The following ELOVL6 variants were observed in gnomAD, a reference collection of about 807,000 sequenced individuals.
The protein encoded by ELOVL6 is ELOVL fatty acid elongase 6.
In ELOVL6, 8 loss-of-function variants were observed where a neutral mutation model predicts 31.7. The observed-to-expected ratio is 0.25, with a 90% confidence interval of 0.15 to 0.45. ELOVL6 has a LOEUF of 0.45. ELOVL6 is among the 20% of genes least tolerant of loss of function. The pLI, the probability that ELOVL6 is intolerant of heterozygous loss-of-function variation, is 1.00. For missense variants in ELOVL6, 126 were observed against 326.4 expected, an observed-to-expected ratio of 0.39 and a Z score of 4.73; for synonymous variants, 101 against 117.7, an observed-to-expected ratio of 0.86 and a Z score of 0.92.
chr4:110,065,497 A>C (rs1030453918), intron 2 of ELOVL6, among the ~76,000 whole-genome samples: 2 of 152,130 alleles, frequency 1.3e-5, no homozygotes, highest in Non-Finnish European at 2.9e-5. Flanking sequence ...AGTGGTGCAC[A>C]CCTGTAGTCC....
At chr4:110,068,328 C>T (rs1304223064) in intron 2 of ELOVL6, among the ~76,000 whole-genome samples, 1 of 152,072 alleles carries the variant, frequency 6.6e-6, no homozygotes, top group African/African-American at 2.4e-5. Flanking sequence ...TGTTGCAGTG[C>T]GAAGCCTGTC....
rs757254129 is a variant in ELOVL6 at position 110,051,788 on chromosome 4, C to T, written c.374-26G>A. 12 of 1,593,124 alleles carry T rather than the reference C, an allele frequency of 7.5e-6. No individual in the cohort carries two copies. Among genetic ancestry groups the T allele is most frequent in the Admixed American group, 3.4e-5 (2 of 58,390 alleles). On this transcript the variant is annotated intron_variant, in intron 3 of 3. Coordinates refer to ENST00000302274, the MANE Select transcript of ELOVL6 (RefSeq NM_024090.3). This position sits in a 1 kb window ranked among gnomAD's most constrained non-coding sequence, Gnocchi z 4.8. ...CTGGAAGACAAAGAGGAAGAAGGTA[C>T]GTGAGATCCTTGACCACCAGTAACG...
At chr4:110,162,867 T>A (rs17612551) in intron 1 of ELOVL6, among the ~76,000 whole-genome samples, 33,892 of 152,080 alleles carry the variant, frequency 0.22, 4,307 homozygotes, top group African/African-American at 0.34. Context: ...TGCAAAGCAG[T>A]TATTGGGACA....
At chr4:110,190,686 G>A (rs1759588414) in intron 1 of ELOVL6, among the ~76,000 whole-genome samples, 1 of 151,968 alleles carries the variant, frequency 6.6e-6, no homozygotes, top group Non-Finnish European at 1.5e-5. Flanking sequence ...TGTAGTTTTA[G>A]TAGAAATAGG....
chr4:110,123,164 C>T (rs933054180), intron 1 of ELOVL6, among the ~76,000 whole-genome samples: 2 of 152,122 alleles, frequency 1.3e-5, no homozygotes, highest in Admixed American at 1.3e-4. Context: ...ATACTTTTAA[C>T]AGGGAAAATA....
At chr4:110,083,254 A>T (rs896505559) in intron 2 of ELOVL6, among the ~76,000 whole-genome samples, 19 of 151,750 alleles carry the variant, frequency 1.3e-4, no homozygotes, top group Non-Finnish European at 7.3e-5. Flanking sequence ...AAAACCAGGT[A>T]AAGTGATAAT....
At chr4:110,190,230 G>GT (rs1309939546) in intron 1 of ELOVL6, among the ~76,000 whole-genome samples, 1 of 152,096 alleles carries the variant, frequency 6.6e-6, no homozygotes, top group East Asian at 1.9e-4. Flanking sequence ...AAAGGTAAGT[G>GT]TAAGTCTTTT....
chr4:110,084,588 A>ATTTTTTTTTTTTTT (rs1168880044), intron 2 of ELOVL6, among the ~76,000 whole-genome samples: 1 of 29,658 alleles, frequency 3.4e-5, no homozygotes, highest in African/African-American at 2.2e-4. Flanking sequence ...ATATATATAT[A>ATTTTTTTTTTTTTT]TTTTTTTTTT....
intron 1 of ELOVL6, among the ~76,000 whole-genome samples, chr4:110,113,488 T>G (rs1028952600): frequency 3.3e-5 from 5 of 150,078 alleles, no homozygotes; most frequent in Admixed American, 3.3e-4. Context: ...GAAACTAGGG[T>G]GGGAGGACTG....
chr4:110,163,574 A>G (rs1300071626), intron 1 of ELOVL6, among the ~76,000 whole-genome samples: 1 of 152,194 alleles, frequency 6.6e-6, no homozygotes. Context: ...GACTGGGATG[A>G]AGGCCAAGTC....
chr4:110,069,729 C>G (rs1755413201), intron 2 of ELOVL6, among the ~76,000 whole-genome samples: 1 of 152,188 alleles, frequency 6.6e-6, no homozygotes, highest in South Asian at 2.1e-4. Context: ...ACTCACTGGG[C>G]TTTCATTTAG....
intron 1 of ELOVL6, among the ~76,000 whole-genome samples, chr4:110,106,509 T>C (rs1216619807): frequency 2.0e-5 from 3 of 152,142 alleles, no homozygotes; most frequent in African/African-American, 7.2e-5. Context: ...TTAGACTGTA[T>C]ACTGTACCAT....
intron 1 of ELOVL6, among the ~76,000 whole-genome samples, chr4:110,169,511 G>C (rs1216601861): frequency 6.6e-6 from 1 of 151,728 alleles, no homozygotes; most frequent in Admixed American, 6.6e-5. Context: ...CCAAAGTGCT[G>C]GGATTACAGG....
At chr4:110,102,689 A>G (rs1448755726) in intron 2 of ELOVL6, among the ~76,000 whole-genome samples, 1 of 151,928 alleles carries the variant, frequency 6.6e-6, no homozygotes, top group Non-Finnish European at 1.5e-5. Flanking sequence ...ATGATAGATT[A>G]TATATGTATA....
chr4:110,081,495 G>T (rs896679309), intron 2 of ELOVL6, among the ~76,000 whole-genome samples: 2 of 152,064 alleles, frequency 1.3e-5, no homozygotes, highest in Non-Finnish European at 2.9e-5. Flanking sequence ...AATGGGGAAA[G>T]GATTCCCTAT....
At chr4:110,162,312 C>T (rs564473827) in intron 1 of ELOVL6, among the ~76,000 whole-genome samples, 1 of 152,210 alleles carries the variant, frequency 6.6e-6, no homozygotes, top group African/African-American at 2.4e-5. Flanking sequence ...CTGTGCTGAA[C>T]CATTTTGCTG....
At chr4:110,157,737 C>T (rs1383114983) in intron 1 of ELOVL6, among the ~76,000 whole-genome samples, 1 of 152,080 alleles carries the variant, frequency 6.6e-6, no homozygotes, top group African/African-American at 2.4e-5. Context: ...TAAACATTTA[C>T]TGAGTGCCAA....
At chr4:110,111,608 T>TAGGG (rs1757038943) in intron 1 of ELOVL6, among the ~76,000 whole-genome samples, 1 of 152,134 alleles carries the variant, frequency 6.6e-6, no homozygotes, top group Non-Finnish European at 1.5e-5. Context: ...CATGGTTATA[T>TAGGG]AGGGGGTCAG....
At chr4:110,092,081 G>A (rs190408759) in intron 2 of ELOVL6, among the ~76,000 whole-genome samples, 46 of 152,244 alleles carry the variant, frequency 3.0e-4, no homozygotes, top group Non-Finnish European at 5.0e-4. Context: ...TGAAACACAT[G>A]CTAGGAAACG....
Sources: allele counts gnomAD v4.1 joint callset (sites outside exome capture counted in the v4.1 genomes callset), GRCh38; gene constraint gnomAD v4.1.1; non-coding constraint Gnocchi (gnomAD v3.1); transcripts MANE v1.5; gene names NCBI Gene and HGNC (gene_info 2026-07-23, HGNC 2026-07-21).